Variants in ADGRG5 observed in about 807,000 individuals in gnomAD.
The protein encoded by ADGRG5 is G protein-coupled receptor 114.
Under a neutral mutation model 53.2 loss-of-function variants are expected in ADGRG5, and 37 were observed. The observed-to-expected ratio is 0.70, with a 90% CI of 0.53 to 0.91. The LOEUF (loss-of-function observed/expected upper bound fraction) is 0.91, where lower values mean the gene tolerates loss of function less well. Among genes scored for constraint, ADGRG5 ranks in the 40% least tolerant of loss-of-function variants. The probability of loss-of-function intolerance (pLI) is 0.00; values close to 1 mark genes in which losing one functional copy is unlikely to be tolerated. For missense variants in ADGRG5, 614 were observed against 675.8 expected (o/e 0.91, Z 1.01); for synonymous variants, 277 against 290.4 (o/e 0.95, Z 0.47).
At position 57,566,604 on chromosome 16, in the gene ADGRG5, C is replaced by CTGTG; in HGVS notation, c.553_554insGTGT (p.Tyr185CysfsTer24). On this transcript the variant is annotated frameshift_variant, in exon 7 of 12. Transcript: ENST00000349457. LOFTEE classifies it high-confidence loss of function. ...GACCCAGCATCTCCACCCAGGAAGG[C>CTGTG]TACACCCTGACCTGTGTCTTCTGGA... 2.6e-6 allele frequency: 4 copies of CTGTG among 1,523,838 alleles called. No individual in the cohort carries two copies. Among genetic ancestry groups the CTGTG allele is most frequent in the Non-Finnish European group, 2.6e-6 (3 of 1,137,178 alleles). The allele number at this position is 1,523,838 out of a possible 1,614,324, so 94.4% of individuals were successfully genotyped here. A position where few individuals can be genotyped will look rare whatever the true frequency, so the allele number is the denominator to read the frequency against.
At chr16:57,551,908 G>A (rs1452825755) in intron 1 of ADGRG5, among the ~76,000 whole-genome samples, 1 of 152,202 alleles carries the variant, frequency 6.6e-6, no homozygotes, top group Non-Finnish European at 1.5e-5. Flanking sequence ...TGATCCATGG[G>A]CTGCAGAATG....
chr16:57,536,209 G>T, the ADGRG5 span, among the ~76,000 whole-genome samples: 1 of 143,688 alleles, frequency 7.0e-6, no homozygotes, highest in East Asian at 2.3e-4. Context: ...CCCGCCCGCC[G>T]CCCCCTCCCG....
the ADGRG5 span, among the ~76,000 whole-genome samples, chr16:57,535,965 C>A: frequency 6.6e-6 from 1 of 152,178 alleles, no homozygotes; most frequent in Non-Finnish European, 1.5e-5. Context: ...TTAGTCGACC[C>A]CTCCCAAGCC....
the ADGRG5 span, among the ~76,000 whole-genome samples, chr16:57,536,945 C>T: frequency 6.6e-6 from 1 of 152,206 alleles, no homozygotes; most frequent in Non-Finnish European, 1.5e-5. Flanking sequence ...CTTACCAAGT[C>T]TTCACTGTTG....
chr16:57,552,894 A>C (rs1335791754), intron 1 of ADGRG5, among the ~76,000 whole-genome samples: 1 of 152,104 alleles, frequency 6.6e-6, no homozygotes, highest in Non-Finnish European at 1.5e-5. Flanking sequence ...GCCATTGTAG[A>C]GTTATTCATT....
chr16:57,568,229 T>G, intron 9 of ADGRG5, 105 bp downstream of exon 9: 1 of 1,131,840 alleles, frequency 8.8e-7, no homozygotes, highest in Non-Finnish European at 1.3e-6. Context: ...TAGTGGCCAT[T>G]ACATGACCAC....
rs200682322 is a variant in ADGRG5 at position 57,551,834 on chromosome 16, GACAGCT to G, written c.-39+9135_-39+9140del. Among the ~76,000 whole-genome samples the G allele has an allele frequency of 4.9e-3, 741 of 152,220 alleles. 16 individuals carry two copies. The South Asian group carries it at 0.067, about 14-fold the overall frequency. The stretch of plus-strand genomic sequence containing the variant: ...ATCCATCAGAGAAATCACTATCTAT[GACAGCT>G]ATAGCCTTATGAAATTTGTTTCCTA... On this transcript the variant is annotated intron_variant, in intron 1 of 11. Coordinates refer to ENST00000349457, the MANE Select transcript of ADGRG5 (RefSeq NM_001304376.3).
At chr16:57,535,984 T>A in the ADGRG5 span, among the ~76,000 whole-genome samples, 1 of 152,122 alleles carries the variant, frequency 6.6e-6, no homozygotes, top group Non-Finnish European at 1.5e-5. Flanking sequence ...CCGCTGGCCC[T>A]GCGAACCGCC....
rs2033507071 is a variant in ADGRG5 at position 57,576,003 on chromosome 16, TG to T, written c.*469del. The T allele has an allele frequency of 6.4e-6, 1 of 156,358 alleles. No homozygotes were observed. Among genetic ancestry groups the T allele is most frequent in the African/African-American group, 2.4e-5 (1 of 41,442 alleles). The allele number at this position is 156,358 out of a possible 1,614,324, so 9.7% of individuals were successfully genotyped here. ...AAGACCAGGGGGAAGAGTGTCAGCG[TG>T]GGGTGGGAATTCCCGCGGCCTCCAC... On this transcript the variant is annotated 3_prime_UTR_variant, in exon 12 of 12. Transcript: ENST00000349457.
chr16:57,532,912 C>T, the ADGRG5 span, among the ~76,000 whole-genome samples: 1 of 152,198 alleles, frequency 6.6e-6, no homozygotes, highest in Non-Finnish European at 1.5e-5. Flanking sequence ...TCTGCTGGGC[C>T]CTTCTTGCAG....
rs1451752432 is a variant in ADGRG5 at position 57,576,930 on chromosome 16, ATCT to A, written c.*1396_*1398del. 6 of 152,204 alleles carry A rather than the reference ATCT, an allele frequency of 3.9e-5. No homozygotes were observed. The highest frequency in any genetic ancestry group is 1.2e-4 in the African/African-American group (5 of 41,458). 9.4% of individuals were successfully genotyped at this position (152,204 alleles called of 1,614,324 possible). A position where few individuals can be genotyped will look rare whatever the true frequency, so the allele number is the denominator to read the frequency against. ...CCCTGGGGAAAAGTTCTCCTGGGACATCTTCTGCTCTTCTGTACATTTCTAGAT... is the reference window on the plus strand; with the variant it reads ...CCCTGGGGAAAAGTTCTCCTGGGACATCTGCTCTTCTGTACATTTCTAGAT... On this transcript the variant is annotated 3_prime_UTR_variant, in exon 12 of 12. Transcript: ENST00000349457.
chr16:57,546,488 T>C (rs1415931926), intron 1 of ADGRG5, among the ~76,000 whole-genome samples: 1 of 152,248 alleles, frequency 6.6e-6, no homozygotes, highest in Admixed American at 6.5e-5. Context: ...TTTTACATAA[T>C]GGGAAAATCA....
chr16:57,561,939 A>G (rs2033011463), intron 1 of ADGRG5, 117 bp from the exon 2 acceptor site: 1 of 524,638 alleles, frequency 1.9e-6, no homozygotes, highest in Non-Finnish European at 3.3e-6. Flanking sequence ...CATCTGTGAA[A>G]TGCAGGAGTG....
the ADGRG5 span, among the ~76,000 whole-genome samples, chr16:57,532,591 G>C: frequency 6.6e-6 from 1 of 152,146 alleles, no homozygotes; most frequent in Non-Finnish European, 1.5e-5. Context: ...TGCATGGAGA[G>C]ACATTTGCCT....
rs2033533892 is a variant in ADGRG5, at chr16:57,576,955, A to G, written c.*1417A>G. 6.6e-6 allele frequency: 1 copy of G among 152,202 alleles called. No homozygotes were observed. Among genetic ancestry groups the G allele is most frequent in the Non-Finnish European group, 1.5e-5 (1 of 68,044 alleles). 9.4% of individuals were successfully genotyped at this position (152,202 alleles called of 1,614,324 possible). A position where few individuals can be genotyped will look rare whatever the true frequency, so the allele number is the denominator to read the frequency against. On this transcript the variant is annotated 3_prime_UTR_variant, in exon 12 of 12. Coordinates refer to ENST00000349457, the MANE Select transcript of ADGRG5 (RefSeq NM_001304376.3). ...ATCTTCTGCTCTTCTGTACATTTCT[A>G]GATGCAAATAACTCCTTCACCAGGC...
chr16:57,540,672 C>T (rs902548340), upstream of ADGRG5, among the ~76,000 whole-genome samples: 2 of 152,180 alleles, frequency 1.3e-5, no homozygotes, highest in African/African-American at 2.4e-5. Context: ...TGTGGGACCA[C>T]AGCTGGGACC....
chr16:57,569,631 C>T (rs2033284012), intron 9 of ADGRG5, among the ~76,000 whole-genome samples: 1 of 151,854 alleles, frequency 6.6e-6, no homozygotes. Flanking sequence ...TCATCACCTC[C>T]TCCACCTTCA....
chr16:57,548,010 C>T (rs910127819), intron 1 of ADGRG5, among the ~76,000 whole-genome samples: 6 of 151,484 alleles, frequency 4.0e-5, no homozygotes, highest in South Asian at 2.1e-4. Context: ...GGCCTCCCAG[C>T]GTGCTGGGAT....
chr16:57,564,772 T>C (rs1278891618), intron 5 of ADGRG5, among the ~76,000 whole-genome samples: 4 of 151,624 alleles, frequency 2.6e-5, no homozygotes, highest in Non-Finnish European at 4.4e-5. Context: ...AGTGGTGAGG[T>C]GGAGGGCGTG....
Sources: allele counts gnomAD v4.1 joint callset (sites outside exome capture counted in the v4.1 genomes callset), GRCh38; gene constraint gnomAD v4.1.1; transcripts MANE v1.5; gene names NCBI Gene and HGNC (gene_info 2026-07-23, HGNC 2026-07-21).